The following PEX5L variants were observed in gnomAD, a reference collection of about 807,000 sequenced individuals.
PEX5L encodes the protein peroxisomal biogenesis factor 5 like.
PEX5L carries 30 observed loss-of-function variants against 84.0 expected under a neutral mutation model. The observed-to-expected ratio is 0.36, with a 90% CI of 0.27 to 0.48. PEX5L has a LOEUF of 0.48. Ranked by LOEUF, PEX5L falls within the 20% of genes least tolerant of loss-of-function variation. The probability of loss-of-function intolerance (pLI) is 0.99; values close to 1 mark genes in which losing one functional copy is unlikely to be tolerated. For synonymous variants in PEX5L, 270 were observed against 283.1 expected, an observed-to-expected ratio of 0.95 and a Z score of 0.46; for missense variants, 533 against 754.6, an observed-to-expected ratio of 0.71 and a Z score of 3.44.
intron 1 of PEX5L, among the ~76,000 whole-genome samples, chr3:180,024,544 C>CAAAA (rs59981273): frequency 4.7e-5 from 5 of 107,188 alleles, no homozygotes; most frequent in African/African-American, 1.5e-4. Flanking sequence ...GACTCCGTTT[C>CAAAA]AAAAAAAAAA....
chr3:179,957,005 G>C (rs538678373), intron 2 of PEX5L, among the ~76,000 whole-genome samples: 25 of 152,048 alleles, frequency 1.6e-4, no homozygotes, highest in Admixed American at 1.4e-3. Flanking sequence ...GAAAATCCTG[G>C]AAAAAAATTG....
intron 1 of PEX5L, among the ~76,000 whole-genome samples, chr3:180,026,838 T>C (rs1271396771): frequency 1.3e-5 from 2 of 152,162 alleles, no homozygotes; most frequent in Non-Finnish European, 2.9e-5. Context: ...TCTGAACATG[T>C]TACGGTGGAC....
At chr3:180,023,617 C>T (rs1394525434) in intron 1 of PEX5L, among the ~76,000 whole-genome samples, 1 of 152,074 alleles carries the variant, frequency 6.6e-6, no homozygotes, top group Non-Finnish European at 1.5e-5. Context: ...TAATAGAATC[C>T]TAGAGCTGGA....
intron 12 of PEX5L, among the ~76,000 whole-genome samples, 162 bp from the exon 13 acceptor site, chr3:179,808,599 G>A (rs914065027): frequency 6.6e-6 from 1 of 152,184 alleles, no homozygotes; most frequent in Non-Finnish European, 1.5e-5. Context: ...AATGCTGAAT[G>A]TTTTAAAATA....
intron 1 of PEX5L, among the ~76,000 whole-genome samples, chr3:180,000,850 CTTA>C (rs1217178990): frequency 6.6e-6 from 1 of 152,028 alleles, no homozygotes; most frequent in Non-Finnish European, 1.5e-5. Flanking sequence ...TAATTATGAC[CTTA>C]TTATTGTCTT....
chr3:180,030,275 G>T (rs1406334314), intron 1 of PEX5L, among the ~76,000 whole-genome samples: 2 of 152,182 alleles, frequency 1.3e-5, no homozygotes, highest in South Asian at 2.1e-4. Flanking sequence ...GCCTATGTGT[G>T]CACAGTGTCA....
chr3:179,945,388 T>C (rs1281463391), intron 2 of PEX5L, among the ~76,000 whole-genome samples: 1 of 152,218 alleles, frequency 6.6e-6, no homozygotes, highest in Non-Finnish European at 1.5e-5. Context: ...CTGGCTGAGA[T>C]CCTTTCCCTG....
At chr3:179,852,811 G>A (rs1409191371) in intron 8 of PEX5L, among the ~76,000 whole-genome samples, 1 of 152,074 alleles carries the variant, frequency 6.6e-6, no homozygotes, top group Non-Finnish European at 1.5e-5. Flanking sequence ...TTGCTTAAAA[G>A]GCATAAAACA....
At chr3:180,029,680 T>C (rs1791278908) in intron 1 of PEX5L, among the ~76,000 whole-genome samples, 1 of 152,210 alleles carries the variant, frequency 6.6e-6, no homozygotes, top group African/African-American at 2.4e-5. Context: ...ACATTGTTTT[T>C]TACCTACAGT....
chr3:179,963,494 G>A lies in PEX5L; in HGVS notation c.93+8100C>T, dbSNP rs986113256. On this transcript the variant is annotated intron_variant, in intron 2 of 14. Coordinates refer to ENST00000467460, the MANE Select transcript of PEX5L (RefSeq NM_016559.3). The stretch of plus-strand genomic sequence containing the variant: ...ACTAGGTTAGGTTAATTTTCAATGG[G>A]GAAAGTGTAAAATGGGAGAGAAACA... Among the ~76,000 whole-genome samples, 6 of 152,052 alleles carry A rather than the reference G, an allele frequency of 3.9e-5. No homozygotes were observed. In the East Asian group the frequency reaches 1.2e-3, roughly 29 times the overall value.
At chr3:179,828,289 G>A (rs1295237513) in intron 8 of PEX5L, among the ~76,000 whole-genome samples, 3 of 152,068 alleles carry the variant, frequency 2.0e-5, no homozygotes, top group Non-Finnish European at 4.4e-5. Context: ...CTGCTTTAAC[G>A]ACTGTATGTC....
rs1355557783 is a variant in PEX5L at position 179,801,502 on chromosome 3, G to A, written c.*326C>T. On this transcript the variant is annotated 3_prime_UTR_variant, in exon 15 of 15. Transcript: ENST00000467460. ...CCTCAGATGTGTCATCAGCTGCAAG[G>A]GGAGACAAAAAACCCAAAGAACATG... is the stretch of plus-strand genomic sequence containing the variant. The A allele has an allele frequency of 1.2e-5, 3 of 252,228 alleles. No individual in the cohort carries two copies. Among genetic ancestry groups the A allele is most frequent in the African/African-American group, 6.6e-5 (3 of 45,168 alleles). The allele number at this position is 252,228 out of a possible 1,614,324, so 15.6% of individuals were successfully genotyped here.
At chr3:179,862,683 T>A (rs992317954) in intron 7 of PEX5L, among the ~76,000 whole-genome samples, 13 of 152,118 alleles carry the variant, frequency 8.5e-5, no homozygotes, top group African/African-American at 3.1e-4. Context: ...TCTGAGAAAC[T>A]GAAGAAAATG....
At chr3:179,840,998 A>G (rs570106083) in intron 8 of PEX5L, among the ~76,000 whole-genome samples, 1 of 152,220 alleles carries the variant, frequency 6.6e-6, no homozygotes, top group Non-Finnish European at 1.5e-5. Flanking sequence ...ATTTAAATCT[A>G]TGAGACTGAA....
chr3:179,960,174 G>A (rs1781658588), intron 2 of PEX5L, among the ~76,000 whole-genome samples: 1 of 152,140 alleles, frequency 6.6e-6, no homozygotes, highest in South Asian at 2.1e-4. Flanking sequence ...GCCAGCCTTG[G>A]TCAGAACTAT....
intron 2 of PEX5L, among the ~76,000 whole-genome samples, chr3:179,967,527 G>C (rs1298165922): frequency 6.6e-6 from 1 of 152,100 alleles, no homozygotes; most frequent in East Asian, 1.9e-4. Context: ...TGAGAAAACT[G>C]AGCTTAGAGA....
At chr3:179,900,381 T>C (rs1760880117) in intron 2 of PEX5L, among the ~76,000 whole-genome samples, 1 of 152,182 alleles carries the variant, frequency 6.6e-6, no homozygotes, top group African/African-American at 2.4e-5. Context: ...TTTCTTGGGC[T>C]AAGAAAAAAT....
chr3:179,977,376 G>A (rs552040518), intron 1 of PEX5L, among the ~76,000 whole-genome samples: 10 of 152,148 alleles, frequency 6.6e-5, no homozygotes, highest in Non-Finnish European at 1.3e-4. Context: ...CTTGCAGTAA[G>A]CCTGGTAAAT....
chr3:179,832,089 C>T (rs574581977), intron 8 of PEX5L, among the ~76,000 whole-genome samples: 4 of 152,154 alleles, frequency 2.6e-5, no homozygotes, highest in African/African-American at 9.6e-5. Flanking sequence ...AAGGCTGTTA[C>T]AGTTGTCTAT....
Sources: gnomAD v4.1 joint callset for allele counts (sites outside exome capture counted in the v4.1 genomes callset) on GRCh38, gnomAD v4.1.1 for gene constraint, MANE v1.5 for transcripts, NCBI Gene and HGNC (gene_info 2026-07-23, HGNC 2026-07-21) for gene names.